The following NLRP5 variants were observed in gnomAD, a reference collection of about 807,000 sequenced individuals.
NLRP5 encodes NLR family pyrin domain containing 5, also known as NACHT, LRR and PYD domains-containing protein 5.
A neutral mutation model predicts 113.1 loss-of-function variants in NLRP5; 93 were observed. The observed-to-expected ratio is 0.82, with a 90% CI of 0.70 to 0.98. The LOEUF (loss-of-function observed/expected upper bound fraction) is 0.98, where lower values mean the gene tolerates loss of function less well. NLRP5 is among the 50% of genes least tolerant of loss of function. The probability of loss-of-function intolerance (pLI) is 0.00; values close to 1 mark genes in which losing one functional copy is unlikely to be tolerated. For missense variants in NLRP5, 1,808 were observed against 1,514.3 expected (o/e 1.19, Z -3.22); for synonymous variants, 751 against 600.7 (o/e 1.25, Z -3.66).
chr19:56,024,642 C>T (rs1332449767), intron 6 of NLRP5, among the ~76,000 whole-genome samples: 2 of 151,270 alleles, frequency 1.3e-5, no homozygotes, highest in Non-Finnish European at 2.9e-5. Context: ...CCTGTAATCC[C>T]AGCTACTTGA....
rs939295010 is a variant in NLRP5 at position 56,027,506 on chromosome 19, C to T, written c.1273C>T (p.Arg425Cys). 2.9e-5 allele frequency: 47 copies of T among 1,613,786 alleles called. No homozygotes were observed. The highest frequency in any genetic ancestry group is 6.7e-5 in the African/African-American group (5 of 74,918). The change falls in exon 7 of 15, where the codon CGT (arginine) becomes TGT (cysteine). Residue 425 changes from arginine to cysteine, a missense_variant. Coordinates refer to ENST00000390649, the MANE Select transcript of NLRP5 (RefSeq NM_153447.4). ...GCTCAAGTCAGAGGTCGTGTCTCCC[C>T]GTTACCTGTTAGTTAGAGGAATCTC...
chr19:56,008,182 C>T (rs536114632), intron 2 of NLRP5, among the ~76,000 whole-genome samples: 39 of 151,994 alleles, frequency 2.6e-4, no homozygotes, highest in Non-Finnish European at 5.0e-4. Context: ...CCTGCCTCAG[C>T]CTCCTAAAGT....
intron 6 of NLRP5, among the ~76,000 whole-genome samples, chr19:56,020,708 G>A (rs1982580629): frequency 6.8e-6 from 1 of 146,406 alleles, no homozygotes; most frequent in South Asian, 2.1e-4. Context: ...TTTGTTTGAT[G>A]GATGTTAAAC....
the NLRP5 span, among the ~76,000 whole-genome samples, chr19:55,994,480 C>T: frequency 2.0e-5 from 3 of 152,296 alleles, no homozygotes; most frequent in South Asian, 4.1e-4. Context: ...TCACTGTAAC[C>T]TCCAACTCCC....
At chr19:56,013,704 G>A (rs917895480) in intron 3 of NLRP5, among the ~76,000 whole-genome samples, 1 of 147,936 alleles carries the variant, frequency 6.8e-6, no homozygotes, top group Non-Finnish European at 1.5e-5. Context: ...ACCTAGGAGT[G>A]GAAGTGGTGG....
At chr19:56,030,646 TAAA>T (rs1169143937) in intron 7 of NLRP5, among the ~76,000 whole-genome samples, 2 of 151,006 alleles carry the variant, frequency 1.3e-5, no homozygotes, top group African/African-American at 4.9e-5. Context: ...TTACATATCA[TAAA>T]AAGTCAAAGC....
the NLRP5 span, among the ~76,000 whole-genome samples, chr19:55,987,434 G>C: frequency 6.6e-6 from 1 of 152,200 alleles, no homozygotes; most frequent in South Asian, 2.1e-4. Flanking sequence ...CTAATGTCTG[G>C]TCTGCATTTG....
chr19:56,053,819 G>T lies in NLRP5; in HGVS notation c.3299+11G>T, dbSNP rs776651857. 6.2e-7 allele frequency: 1 copy of T among 1,610,546 alleles called. No homozygotes were observed. Among genetic ancestry groups the T allele is most frequent in the Non-Finnish European group, 8.5e-7 (1 of 1,177,482 alleles). On this transcript the variant is annotated intron_variant, in intron 13 of 14. Coordinates refer to ENST00000390649, the MANE Select transcript of NLRP5 (RefSeq NM_153447.4). ...TCTGGCGAGACTCGGGTAACTTCCT[G>T]GGGCGCCTCTTTGCGGGCCGGGCTG...
chr19:56,000,941 G>C (rs934253905), intron 1 of NLRP5, among the ~76,000 whole-genome samples: 1 of 151,904 alleles, frequency 6.6e-6, no homozygotes, highest in Non-Finnish European at 1.5e-5. Flanking sequence ...AGGAAGCAGA[G>C]GTTTGCAGCA....
Position 56,004,566 on chromosome 19 carries a change from G to A in NLRP5, c.442+471G>A, listed in dbSNP as rs564975247. 6.6e-5 allele frequency among the ~76,000 whole-genome samples: 10 copies of A among 152,254 alleles called. No individual in the cohort carries two copies. In the South Asian group the frequency reaches 1.7e-3, roughly 25 times the overall value. ...TTGGTAGTGGTTTGGTGCGAGTCTCGTGCTTGGCCGTGGGATGAAGGACTG... is the reference window on the plus strand; with the variant it reads ...TTGGTAGTGGTTTGGTGCGAGTCTCATGCTTGGCCGTGGGATGAAGGACTG... On this transcript the variant is annotated intron_variant, in intron 2 of 14. Transcript: ENST00000390649.
the NLRP5 span, among the ~76,000 whole-genome samples, chr19:55,993,723 A>G: frequency 4.7e-5 from 7 of 148,150 alleles, no homozygotes; most frequent in Admixed American, 4.1e-4. Flanking sequence ...TACATTCAGT[A>G]TTTAGTTTCC....
intron 14 of NLRP5, among the ~76,000 whole-genome samples, chr19:56,059,333 A>C (rs115417757): frequency 0.01 from 1,525 of 152,310 alleles, 27 homozygotes; most frequent in African/African-American, 0.035. Context: ...ACAAAGTGGC[A>C]GTTCACTGAT....
At chr19:56,046,181 C>T (rs1463848548) in intron 11 of NLRP5, among the ~76,000 whole-genome samples, 2 of 152,104 alleles carry the variant, frequency 1.3e-5, no homozygotes, top group Non-Finnish European at 2.9e-5. Flanking sequence ...TGGATTTTGT[C>T]GAATGCTTTT....
In NLRP5 at chr19:56,050,425, C is replaced by G; in HGVS notation, c.2965C>G (p.Gln989Glu). The G allele has an allele frequency of 1.2e-6, 2 of 1,613,400 alleles. No individual in the cohort carries two copies. Among genetic ancestry groups the G allele is most frequent in the East Asian group, 2.2e-5 (1 of 44,876 alleles). The change falls in exon 12 of 15, where the codon CAG becomes GAG. Residue 989 changes from glutamine (Q) to glutamate (E), a missense_variant. Gln to Glu is a conservative substitution (Grantham distance 29). Transcript: ENST00000390649. Reference sequence around the variant, plus strand: ...CATGTGTGTGCCCCACAGGCTGAATCAGTGCCACCTGGACACGGCTGGCTG... The same window carrying G: ...CATGTGTGTGCCCCACAGGCTGAATGAGTGCCACCTGGACACGGCTGGCTG...
At chr19:56,000,961 C>G (rs1392402490) in intron 1 of NLRP5, among the ~76,000 whole-genome samples, 2 of 151,890 alleles carry the variant, frequency 1.3e-5, no homozygotes, top group Non-Finnish European at 2.9e-5. Context: ...AAGTAGAGAT[C>G]ATGCCACTAC....
chr19:56,052,594 G>A (rs180812089), intron 12 of NLRP5, among the ~76,000 whole-genome samples: 29 of 152,110 alleles, frequency 1.9e-4, no homozygotes, highest in South Asian at 1.9e-3. Context: ...TTCTTCACCC[G>A]ATGGCTCCTG....
At chr19:56,049,803 C>T (rs927522981) in intron 11 of NLRP5, among the ~76,000 whole-genome samples, 2 of 152,106 alleles carry the variant, frequency 1.3e-5, no homozygotes, top group African/African-American at 2.4e-5. Context: ...TAATCCCTCT[C>T]TGATTAGCTT....
rs182251626 is a variant in NLRP5 at position 56,004,626 on chromosome 19, T to C, written c.442+531T>C. Reference sequence around the variant, plus strand: ...GTGCTCATCTGAGGCTTGGACTTTCTTGGGCTATTGGTGTCCGTAGTGCAG... The same window carrying C: ...GTGCTCATCTGAGGCTTGGACTTTCCTGGGCTATTGGTGTCCGTAGTGCAG... On this transcript the variant is annotated intron_variant, in intron 2 of 14. Coordinates refer to ENST00000390649, the MANE Select transcript of NLRP5 (RefSeq NM_153447.4). Among the ~76,000 whole-genome samples the C allele has an allele frequency of 2.2e-3, 339 of 152,312 alleles. 3 individuals carry two copies. Among genetic ancestry groups the C allele is most frequent in the African/African-American group, 8.0e-3 (332 of 41,572 alleles).
chr19:56,024,533 A>G (rs1362083084), intron 6 of NLRP5, among the ~76,000 whole-genome samples: 2 of 142,494 alleles, frequency 1.4e-5, no homozygotes, highest in African/African-American at 5.2e-5. Context: ...ATGTATACAT[A>G]TGTATATGTA....
Sources: gnomAD v4.1 joint callset for allele counts (sites outside exome capture counted in the v4.1 genomes callset) on GRCh38, gnomAD v4.1.1 for gene constraint, MANE v1.5 for transcripts, NCBI Gene and HGNC (gene_info 2026-07-23, HGNC 2026-07-21) for gene names.